ELAC2: variants seen among roughly 807,000 people sequenced by gnomAD.
ELAC2 encodes the protein elaC ribonuclease Z 2, also known as zinc phosphodiesterase ELAC protein 2.
ELAC2 carries 92 observed loss-of-function variants against 105.2 expected under a neutral mutation model. The ratio of observed to expected loss-of-function variants is 0.87; its 90% CI spans 0.74 to 1.04. The LOEUF (loss-of-function observed/expected upper bound fraction) is 1.04, where lower values mean the gene tolerates loss of function less well. Ranked by LOEUF, ELAC2 falls within the 50% of genes least tolerant of loss-of-function variation. The pLI is 0.00. For missense variants in ELAC2, 1,099 were observed against 1,071.7 expected (o/e 1.03, Z -0.36); for synonymous variants, 468 against 409.1 (o/e 1.14, Z -1.74).
chr17:13,016,424 T>C (rs2041724707), intron 3 of ELAC2, among the ~76,000 whole-genome samples: 3 of 152,198 alleles, frequency 2.0e-5, no homozygotes, highest in South Asian at 2.1e-4. Context: ...GTGGTATCCA[T>C]ATTAAAATCT....
chr17:13,015,902 G>A (rs541922408), intron 3 of ELAC2, 70 bp from the exon 4 acceptor site: 141 of 1,162,502 alleles, frequency 1.2e-4, no homozygotes, highest in Middle Eastern at 3.8e-4. Context: ...GGAGCACCCC[G>A]TACTAATCCA....
At chr17:13,015,638 G>T in intron 4 of ELAC2, 130 bp downstream of exon 4, 2 of 762,886 alleles carry the variant, frequency 2.6e-6, no homozygotes, top group Admixed American at 4.1e-5. Flanking sequence ...TTTTTAACTT[G>T]AAAGGGGAAG....
At chr17:13,015,134 G>A (rs4792314) in intron 4 of ELAC2, among the ~76,000 whole-genome samples, 42,216 of 152,158 alleles carry the variant, frequency 0.28, 6,048 homozygotes, top group Middle Eastern at 0.33. Flanking sequence ...TTTCTGTCTT[G>A]AAGTGACCTC....
chr17:13,008,905 C>T (rs970396796), intron 8 of ELAC2, among the ~76,000 whole-genome samples: 1 of 152,186 alleles, frequency 6.6e-6, no homozygotes, highest in Non-Finnish European at 1.5e-5. Context: ...AGGCAGCTGG[C>T]AGCCCCCAGG....
At chr17:12,993,548 G>A (rs2040310632) in intron 23 of ELAC2, 139 bp downstream of exon 23, 17 of 1,312,044 alleles carry the variant, frequency 1.3e-5, no homozygotes, top group Non-Finnish European at 1.7e-5. Flanking sequence ...GGTTCGACCT[G>A]GTTAGTGATG....
chr17:12,996,662 T>C lies in ELAC2; in HGVS notation c.1544A>G (p.Asp515Gly), dbSNP rs1286426080. The C allele has an allele frequency of 6.2e-7, 1 of 1,613,762 alleles. No homozygotes were observed. Among genetic ancestry groups the C allele is most frequent in the Non-Finnish European group, 8.5e-7 (1 of 1,179,958 alleles). ...CTGCCCAAATGTGCCCTCACCACAG[T>C]CCAGTAGCAGAGACGTGTCGGGGCT... ...NISPDTSLLL[D>G]CGEGTFGQLC... is the part of the protein sequence containing the mutation. Residue 515 changes from aspartate (D) to glycine (G), a missense_variant, in exon 17 of 24, where the codon GAC (aspartate) becomes GGC (glycine). Transcript: ENST00000338034.
chr17:13,009,324 A>T (rs977886857), intron 8 of ELAC2, among the ~76,000 whole-genome samples: 1 of 152,258 alleles, frequency 6.6e-6, no homozygotes, highest in African/African-American at 2.4e-5. Context: ...AACATTAAAA[A>T]ATAATCTAAG....
At chr17:13,003,690 C>A in intron 11 of ELAC2, 116 bp from the exon 12 acceptor site, 1 of 880,642 alleles carries the variant, frequency 1.1e-6, no homozygotes, top group Non-Finnish European at 1.8e-6. Context: ...AGTGAGCTGA[C>A]AGCCTCCACG....
At chr17:12,997,415 C>T (rs907499746) in intron 16 of ELAC2, among the ~76,000 whole-genome samples, 2 of 152,192 alleles carry the variant, frequency 1.3e-5, no homozygotes, top group East Asian at 1.9e-4. Flanking sequence ...CAGAGAGAAG[C>T]CCCGGTGCTA....
chr17:13,015,785 A>G lies in ELAC2; in HGVS notation c.415T>C (p.Ser139Pro). 1.2e-6 allele frequency: 2 copies of G among 1,614,084 alleles called. No homozygotes were observed. The highest frequency in any genetic ancestry group is 2.2e-5 in the East Asian group (1 of 44,882). Reference sequence around the variant, plus strand: ...AGACTCACCAGTTGTGGAGGTCCAGAAAGTACACACTTTGGAAGCCCGGTT... The same window carrying G: ...AGACTCACCAGTTGTGGAGGTCCAGGAAGTACACACTTTGGAAGCCCGGTT... The part of the protein sequence containing the change: ...KETGLPKCVL[S>P]GPPQLEKYLE... The change falls in exon 4 of 24, where the codon TCT becomes CCT. Residue 139 changes from serine to proline, a missense_variant. Transcript: ENST00000338034.
Position 13,017,839 on chromosome 17 carries a change from G to C in ELAC2, c.109C>G (p.Leu37Val). 1 of 1,578,650 alleles carries C rather than the reference G, an allele frequency of 6.3e-7. No homozygotes were observed. The highest frequency in any genetic ancestry group is 8.6e-7 in the Non-Finnish European group (1 of 1,163,956). The change falls in exon 1 of 24, where the codon CTG becomes GTG. Residue 37 changes from leucine to valine, a missense_variant. Leu to Val is a conservative substitution (Grantham distance 32). Coordinates refer to ENST00000338034, the MANE Select transcript of ELAC2 (RefSeq NM_018127.7). ...TTCTCTCGCGTGCGCAGGTGCCGCA[G>C]CGGGTCCTTGCGCGGCCGCTCGCGG... The part of the protein sequence containing the change: ...ARRERPRKDP[L>V]RHLRTREKRG...
chr17:12,999,969 TCTTAAA>T (rs1263717820), intron 15 of ELAC2, among the ~76,000 whole-genome samples, 181 bp downstream of exon 15: 2 of 152,168 alleles, frequency 1.3e-5, no homozygotes, highest in Non-Finnish European at 2.9e-5. Flanking sequence ...GAATTGGGAT[TCTTAAA>T]CTCCCCAAAG....
In ELAC2 at chr17:12,992,391, T is replaced by C. The variant is rs902475855; in HGVS notation, c.*427A>G. On this transcript the variant is annotated 3_prime_UTR_variant, in exon 24 of 24. Coordinates refer to ENST00000338034, the MANE Select transcript of ELAC2 (RefSeq NM_018127.7). ...CAGGAGGAAGCAAAAGAACTCACAA[T>C]TGCAAACTCAATCTTTATTGCAGCT... is the stretch of plus-strand genomic sequence containing the variant. 1 of 361,994 alleles carries C rather than the reference T, an allele frequency of 2.8e-6. No homozygotes were observed. Among genetic ancestry groups the C allele is most frequent in the South Asian group, 3.5e-5 (1 of 28,418 alleles). The allele number at this position is 361,994 out of a possible 1,614,324, so 22.4% of individuals were successfully genotyped here. A position where few individuals can be genotyped will look rare whatever the true frequency, so the allele number is the denominator to read the frequency against.
At chr17:12,996,355 C>T in intron 17 of ELAC2, 192 bp downstream of exon 17, 2 of 808,374 alleles carry the variant, frequency 2.5e-6, no homozygotes, top group East Asian at 2.7e-5. Flanking sequence ...AGGAACTGAA[C>T]AGGAAGAGAA....
intron 6 of ELAC2, among the ~76,000 whole-genome samples, chr17:13,012,325 CGAAGAACAGGGTGCTGGAAAT>C (rs2041461385): frequency 6.6e-6 from 1 of 152,140 alleles, no homozygotes. Context: ...TGCCATGGAG[CGAAGAACAGGGTGCTGGAAAT>C]GGACAACAAA....
At chr17:12,998,309 G>T (rs1257141556) in intron 16 of ELAC2, 103 bp downstream of exon 16, 2 of 1,115,396 alleles carry the variant, frequency 1.8e-6, no homozygotes, top group African/African-American at 1.5e-5. Flanking sequence ...AAGTGACAGG[G>T]CTTGATACCG....
intron 11 of ELAC2, 147 bp from the exon 12 acceptor site, chr17:13,003,721 C>A (rs1598230783): frequency 7.0e-6 from 5 of 709,360 alleles, no homozygotes; most frequent in African/African-American, 1.7e-5. Context: ...GCTCTCACAG[C>A]AGGCTGCTCA....
chr17:12,992,025 A>T lies in ELAC2; in HGVS notation c.*793T>A, dbSNP rs1055220351. Among the ~76,000 whole-genome samples, 10 of 152,200 alleles carry T rather than the reference A, an allele frequency of 6.6e-5. No homozygotes were observed. ...CCTCACTCCTCTCAGTATGGAAGCA[A>T]CAACACAGCAAATCTATTGTCTCCA... On this transcript the variant is annotated 3_prime_UTR_variant, in exon 24 of 24. Coordinates refer to ENST00000338034, the MANE Select transcript of ELAC2 (RefSeq NM_018127.7).
At position 13,017,807 on chromosome 17, in the gene ELAC2, T is replaced by G. The variant is rs1240011554; in HGVS notation, c.141A>C (p.Gly47=). 1.9e-6 allele frequency: 3 copies of G among 1,603,324 alleles called. No individual in the cohort carries two copies. The highest frequency in any genetic ancestry group is 2.2e-5 in the South Asian group (2 of 89,820). The change falls in exon 1 of 24, where the codon GGA becomes GGC. Residue 47 remains glycine, a synonymous_variant. Coordinates refer to ENST00000338034, the MANE Select transcript of ELAC2 (RefSeq NM_018127.7). ...LRHLRTREKR[G]PSGCSGGPNT... is the part of the protein sequence containing the mutation. Reference sequence around the variant, plus strand: ...TTGGGCCGCCGGAGCACCCCGACGGTCCGCGCTTCTCTCGCGTGCGCAGGT... The same window carrying G: ...TTGGGCCGCCGGAGCACCCCGACGGGCCGCGCTTCTCTCGCGTGCGCAGGT...
Sources: gnomAD v4.1 joint callset for allele counts (sites outside exome capture counted in the v4.1 genomes callset) on GRCh38, gnomAD v4.1.1 for gene constraint, MANE v1.5 for transcripts, NCBI Gene and HGNC (gene_info 2026-07-23, HGNC 2026-07-21) for gene names.